Variants in THSD7B observed in about 807,000 individuals in gnomAD.
THSD7B encodes the protein thrombospondin type 1 domain containing 7B, also known as thrombospondin type-1 domain-containing protein 7B.
THSD7B carries 138 observed loss-of-function variants against 213.6 expected under a neutral mutation model. The observed-to-expected ratio is 0.65, with a 90% CI of 0.56 to 0.74. THSD7B has a LOEUF of 0.74. THSD7B is among the 30% of genes least tolerant of loss of function. THSD7B has a pLI of 0.00. For missense variants in THSD7B, 1,931 were observed against 1,991.5 expected, an observed-to-expected ratio of 0.97 and a Z score of 0.58; for synonymous variants, 742 against 687.0, an observed-to-expected ratio of 1.08 and a Z score of -1.25.
intron 15 of THSD7B, among the ~76,000 whole-genome samples, chr2:137,528,056 T>C (rs10202518): frequency 0.2 from 30,634 of 152,056 alleles, 3,237 homozygotes; most frequent in South Asian, 0.28. Context: ...AGAAATAACA[T>C]TGATACACAC....
chr2:137,628,708 C>G (rs1001221220), intron 20 of THSD7B, among the ~76,000 whole-genome samples: 3 of 152,142 alleles, frequency 2.0e-5, no homozygotes, highest in African/African-American at 7.2e-5. Flanking sequence ...TAAAGGAGAG[C>G]ATGGAAAAGG....
intron 2 of THSD7B, among the ~76,000 whole-genome samples, chr2:137,002,495 T>C (rs1686019612): frequency 6.6e-6 from 1 of 152,196 alleles, no homozygotes; most frequent in Non-Finnish European, 1.5e-5. Context: ...CTTTGGTATC[T>C]TATGAGTTTT....
At chr2:137,020,828 C>G (rs563854582) in intron 2 of THSD7B, among the ~76,000 whole-genome samples, 86 of 152,186 alleles carry the variant, frequency 5.7e-4, no homozygotes, top group Admixed American at 2.7e-3. Flanking sequence ...CATTATCATA[C>G]TAAATTCCAT....
intron 2 of THSD7B, among the ~76,000 whole-genome samples, chr2:137,052,798 C>G (rs1269862790): frequency 6.6e-6 from 1 of 152,136 alleles, no homozygotes; most frequent in Non-Finnish European, 1.5e-5. Flanking sequence ...CCAAATACAA[C>G]TGAATAAATC....
At chr2:137,439,588 G>A (rs1055313319) in intron 14 of THSD7B, among the ~76,000 whole-genome samples, 3 of 151,968 alleles carry the variant, frequency 2.0e-5, no homozygotes, top group African/African-American at 7.2e-5. Context: ...ATTGGTAATG[G>A]AACAAATTCT....
chr2:137,530,389 G>A (rs77798962), intron 15 of THSD7B, among the ~76,000 whole-genome samples: 11,129 of 151,988 alleles, frequency 0.073, 457 homozygotes, highest in African/African-American at 0.09. Context: ...CTCAATGACA[G>A]GGTACATACT....
chr2:137,169,796 G>T (rs1680208507), intron 6 of THSD7B, among the ~76,000 whole-genome samples: 1 of 152,088 alleles, frequency 6.6e-6, no homozygotes, highest in South Asian at 2.1e-4. Context: ...GGTTCAATCT[G>T]GTTCTCAGTC....
At position 137,419,422 on chromosome 2, in the gene THSD7B, T is replaced by TAGCTGG. The variant is rs1558791287; in HGVS notation, c.2959+7550_2959+7551insAGCTGG. ...TGAGGATACACTGATAATCGAAGAG[T>TAGCTGG]GAAAAGGACAGAGAATAATGTTACT... On this transcript the variant is annotated intron_variant, in intron 14 of 27. Coordinates refer to ENST00000409968, the MANE Select transcript of THSD7B (RefSeq NM_001316349.2). Among the ~76,000 whole-genome samples, 2 of 34,970 alleles carry TAGCTGG rather than the reference T, an allele frequency of 5.7e-5. 1 individual carries two copies. The highest frequency in any genetic ancestry group is 2.6e-4 in the Non-Finnish European group (2 of 7,594). The allele number at this position is 34,970 out of a possible 152,430, so 22.9% of individuals were successfully genotyped here.
chr2:137,648,946 TTTATA>T (rs967630038), intron 21 of THSD7B, among the ~76,000 whole-genome samples: 38 of 152,362 alleles, frequency 2.5e-4, no homozygotes, highest in African/African-American at 9.1e-4. Context: ...ACCTGTCTTT[TTTATA>T]ATAGCCATTT....
intron 1 of THSD7B, among the ~76,000 whole-genome samples, chr2:136,786,173 A>AG (rs5834507): frequency 0.58 from 87,664 of 151,978 alleles, 26,697 homozygotes; most frequent in East Asian, 0.95. Flanking sequence ...TAAGGAAAAA[A>AG]TCATCATATT....
intron 1 of THSD7B, among the ~76,000 whole-genome samples, chr2:136,808,600 T>C (rs1304898782): frequency 2.0e-5 from 3 of 152,240 alleles, no homozygotes; most frequent in Non-Finnish European, 2.9e-5. Flanking sequence ...TGCTTAGATG[T>C]GTGACTTTCA....
At chr2:137,365,346 C>G (rs186297306) in intron 12 of THSD7B, among the ~76,000 whole-genome samples, 37 of 152,294 alleles carry the variant, frequency 2.4e-4, no homozygotes, top group African/African-American at 7.2e-4. Flanking sequence ...GACTTCATGA[C>G]CAAAACACCA....
intron 1 of THSD7B, among the ~76,000 whole-genome samples, chr2:136,779,987 G>A (rs1243923163): frequency 2.0e-5 from 3 of 152,010 alleles, no homozygotes; most frequent in Admixed American, 1.3e-4. Flanking sequence ...TTGAAGGGAT[G>A]TATTAGCTAA....
intron 2 of THSD7B, among the ~76,000 whole-genome samples, chr2:137,012,960 A>G (rs919565085): frequency 5.9e-5 from 9 of 152,244 alleles, no homozygotes; most frequent in African/African-American, 1.9e-4. Flanking sequence ...TGAGAAATTC[A>G]TGCAGCAAAC....
At chr2:137,609,480 G>C (rs1006839816) in intron 17 of THSD7B, among the ~76,000 whole-genome samples, 2 of 152,304 alleles carry the variant, frequency 1.3e-5, no homozygotes, top group African/African-American at 4.8e-5. Context: ...AGAGGGAACA[G>C]CAAGATCAAG....
chr2:136,796,385 A>G (rs1483622872), intron 1 of THSD7B, among the ~76,000 whole-genome samples: 1 of 151,868 alleles, frequency 6.6e-6, no homozygotes, highest in East Asian at 1.9e-4. Flanking sequence ...TGGTTTGTAA[A>G]TTTTGACCTC....
intron 1 of THSD7B, among the ~76,000 whole-genome samples, chr2:136,858,427 T>C (rs569004997): frequency 2.0e-5 from 3 of 152,356 alleles, no homozygotes; most frequent in Non-Finnish European, 4.4e-5. Flanking sequence ...TGCCACACAA[T>C]ATAAGGCTAA....
rs188864503 is a variant in THSD7B, at chr2:137,236,892, C to T, written c.2150+3759C>T. Among the ~76,000 whole-genome samples, 386 of 152,172 alleles carry T rather than the reference C, an allele frequency of 2.5e-3. 1 individual carries two copies. Among genetic ancestry groups the T allele is most frequent in the African/African-American group, 8.9e-3 (369 of 41,524 alleles). On this transcript the variant is annotated intron_variant, in intron 9 of 27. Transcript: ENST00000409968. The stretch of plus-strand genomic sequence containing the variant: ...TTGGGAGGCCGAGGCAGGTGGATCA[C>T]CTGAGGTCAGGAGCTTGAGACCAGC...
intron 11 of THSD7B, among the ~76,000 whole-genome samples, 163 bp from the exon 12 acceptor site, chr2:137,275,760 G>T (rs1682854914): frequency 6.6e-6 from 1 of 152,036 alleles, no homozygotes; most frequent in Non-Finnish European, 1.5e-5. Flanking sequence ...GTGGACTATT[G>T]TCATTCTAGT....
Sources: gnomAD v4.1 joint callset for allele counts (sites outside exome capture counted in the v4.1 genomes callset) on GRCh38, gnomAD v4.1.1 for gene constraint, MANE v1.5 for transcripts, NCBI Gene and HGNC (gene_info 2026-07-23, HGNC 2026-07-21) for gene names.